Variants in RIMS2 observed in about 807,000 individuals in gnomAD.
RIMS2 encodes regulating synaptic membrane exocytosis protein 2.
In RIMS2, 59 loss-of-function variants were observed where a neutral mutation model predicts 174.4. The ratio of observed to expected loss-of-function variants is 0.34; its 90% confidence interval spans 0.27 to 0.42. The LOEUF (loss-of-function observed/expected upper bound fraction) is 0.42. Among genes scored for constraint, RIMS2 ranks in the 10% least tolerant of loss-of-function variants. RIMS2 has a pLI of 1.00. For missense variants in RIMS2, 1,620 were observed against 1,666.3 expected, an observed-to-expected ratio of 0.97 and a Z score of 0.48; for synonymous variants, 606 against 572.5, an observed-to-expected ratio of 1.06 and a Z score of -0.84.
chr8:103,794,065 A>C (rs1424099775), intron 3 of RIMS2, among the ~76,000 whole-genome samples: 1 of 152,240 alleles, frequency 6.6e-6, no homozygotes, highest in Non-Finnish European at 1.5e-5. Context: ...CTTTCTTTAC[A>C]GAATTGAAAA....
intron 4 of RIMS2, among the ~76,000 whole-genome samples, chr8:103,902,764 G>A (rs1454729728): frequency 6.6e-6 from 1 of 151,944 alleles, no homozygotes; most frequent in Non-Finnish European, 1.5e-5. Flanking sequence ...TTAAGTTTGT[G>A]GAAACAATAT....
chr8:103,850,696 A>G (rs1428682040), intron 3 of RIMS2, among the ~76,000 whole-genome samples: 1 of 152,064 alleles, frequency 6.6e-6, no homozygotes, highest in African/African-American at 2.4e-5. Context: ...ATTTCTGGCT[A>G]CAACTCTTAA....
intron 3 of RIMS2, among the ~76,000 whole-genome samples, chr8:103,861,488 TA>T (rs1381673737): frequency 6.6e-6 from 1 of 152,106 alleles, no homozygotes; most frequent in Non-Finnish European, 1.5e-5. Context: ...TTCGTCTGGG[TA>T]GACACCCAGT....
At chr8:103,878,816 C>T (rs888107277) in intron 3 of RIMS2, among the ~76,000 whole-genome samples, 1 of 151,264 alleles carries the variant, frequency 6.6e-6, no homozygotes, top group African/African-American at 2.4e-5. Flanking sequence ...TATCTAAGAA[C>T]CTTTGTCTTT....
At chr8:103,837,826 G>GC (rs2098911452) in intron 3 of RIMS2, among the ~76,000 whole-genome samples, 1 of 151,994 alleles carries the variant, frequency 6.6e-6, no homozygotes, top group Admixed American at 6.6e-5. Context: ...AAACATACGT[G>GC]TGCATGTGTC....
chr8:103,554,807 G>C (rs1379917662), intron 1 of RIMS2, among the ~76,000 whole-genome samples: 1 of 152,074 alleles, frequency 6.6e-6, no homozygotes, highest in Non-Finnish European at 1.5e-5. Context: ...ACAGTAGACT[G>C]AATAAAGGAA....
intron 4 of RIMS2, among the ~76,000 whole-genome samples, chr8:103,893,784 A>G (rs1014724479): frequency 2.9e-4 from 44 of 152,048 alleles, no homozygotes; most frequent in Middle Eastern, 3.2e-3. Context: ...AGAGTTGAGT[A>G]GTTGAGACAG....
At chr8:103,697,273 C>A in exon 2 of RIMS2, 1 of 1,613,174 alleles carries the variant, frequency 6.2e-7, no homozygotes, top group Non-Finnish European at 8.5e-7. Flanking sequence ...TTGTGGAGGT[C>A]GAGTGTCATT....
At chr8:103,684,740 C>T (rs1364356569) in intron 1 of RIMS2, among the ~76,000 whole-genome samples, 2 of 152,084 alleles carry the variant, frequency 1.3e-5, no homozygotes, top group African/African-American at 2.4e-5. Flanking sequence ...GTGCCCACCA[C>T]CATGCCTGGC....
At chr8:103,841,967 GA>G (rs11284497) in intron 3 of RIMS2, among the ~76,000 whole-genome samples, 17,235 of 139,360 alleles carry the variant, frequency 0.12, 1,320 homozygotes, top group African/African-American at 0.23. Context: ...AAAGAAAAAA[GA>G]AAAAAAAAAG....
intron 19 of RIMS2, among the ~76,000 whole-genome samples, chr8:104,139,559 A>T (rs561729348): frequency 6.6e-6 from 1 of 152,006 alleles, no homozygotes; most frequent in South Asian, 2.1e-4. Flanking sequence ...TCTTTTTCAG[A>T]TTGTTTACTG....
At chr8:103,954,256 T>C (rs1214868535) in intron 14 of RIMS2, among the ~76,000 whole-genome samples, 1 of 152,124 alleles carries the variant, frequency 6.6e-6, no homozygotes, top group African/African-American at 2.4e-5. Flanking sequence ...AGCGGCCTAA[T>C]AGACATCTAC....
chr8:103,814,360 A>G (rs968491893), intron 3 of RIMS2, among the ~76,000 whole-genome samples: 4 of 151,994 alleles, frequency 2.6e-5, no homozygotes, highest in Non-Finnish European at 4.4e-5. Flanking sequence ...TCCATGACAC[A>G]AATTTACCTA....
chr8:104,013,951 T>G (rs917400900), intron 18 of RIMS2, among the ~76,000 whole-genome samples: 2 of 152,204 alleles, frequency 1.3e-5, no homozygotes, highest in Non-Finnish European at 2.9e-5. Context: ...ACTTTTCAAA[T>G]CATCATAATG....
At chr8:103,688,902 G>A (rs7014784) in intron 1 of RIMS2, among the ~76,000 whole-genome samples, 26,706 of 151,858 alleles carry the variant, frequency 0.18, 2,549 homozygotes, top group African/African-American at 0.23. Flanking sequence ...TTTGGGCTTA[G>A]TTTGTTCTTC....
At chr8:103,509,972 A>G (rs899571445) in intron 1 of RIMS2, among the ~76,000 whole-genome samples, 1 of 152,174 alleles carries the variant, frequency 6.6e-6, no homozygotes, top group African/African-American at 2.4e-5. Flanking sequence ...ATGGTTATAA[A>G]CATTTAGTAT....
intron 19 of RIMS2, among the ~76,000 whole-genome samples, chr8:104,224,337 C>T (rs552772161): frequency 6.6e-6 from 1 of 152,240 alleles, no homozygotes; most frequent in South Asian, 2.1e-4. Flanking sequence ...TTCAGCAATG[C>T]CATTGTAATT....
chr8:103,872,403 T>C (rs1282995622), intron 3 of RIMS2, among the ~76,000 whole-genome samples: 1 of 152,210 alleles, frequency 6.6e-6, no homozygotes, highest in Non-Finnish European at 1.5e-5. Flanking sequence ...GTAGATGTCT[T>C]AAAGAGTTCT....
chr8:103,509,136 C>A (rs752831486), intron 1 of RIMS2, among the ~76,000 whole-genome samples: 1 of 151,266 alleles, frequency 6.6e-6, no homozygotes, highest in Non-Finnish European at 1.5e-5. Context: ...GTAAAAAGGA[C>A]CAAAAGGGAC....
Sources: allele counts gnomAD v4.1 joint callset (sites outside exome capture counted in the v4.1 genomes callset), GRCh38; gene constraint gnomAD v4.1.1; transcripts MANE v1.5; gene names NCBI Gene and HGNC (gene_info 2026-07-23, HGNC 2026-07-21).